DMD: variants seen among roughly 807,000 people sequenced by gnomAD.
DMD encodes the protein dystrophin.
In DMD, 63 loss-of-function variants were observed where a neutral mutation model predicts 330.1. The observed-to-expected ratio is 0.19, with a 90% CI of 0.16 to 0.24. DMD has a LOEUF of 0.24. Among genes scored for constraint, DMD ranks in the 10% least tolerant of loss-of-function variants. The pLI, the probability that DMD is intolerant of heterozygous loss-of-function variation, is 1.00. For synonymous variants in DMD, 1,223 were observed against 959.8 expected, an observed-to-expected ratio of 1.27 and a Z score of -5.07; for missense variants, 3,344 against 2,684.1, an observed-to-expected ratio of 1.25 and a Z score of -5.43.
At chrX:31,197,461 C>G (rs1472363416) in intron 67 of DMD, among the ~76,000 whole-genome samples, 1 of 112,160 alleles carries the variant, frequency 8.9e-6, no homozygotes, top group Non-Finnish European at 1.9e-5. Context: ...AATACTTGTT[C>G]TCAACAGTTG....
chrX:32,136,826 A>G (rs937440034), intron 44 of DMD, among the ~76,000 whole-genome samples: 26 of 97,957 alleles, frequency 2.7e-4, no homozygotes, highest in African/African-American at 8.8e-4. Context: ...ACATGGACAC[A>G]GGAAGGGGAA....
chrX:32,940,123 T>C (rs1415717694), intron 2 of DMD, among the ~76,000 whole-genome samples: 2 of 111,769 alleles, frequency 1.8e-5, no homozygotes, highest in Non-Finnish European at 3.8e-5. Flanking sequence ...CTTCAAACTA[T>C]ACTATAAGGC....
intron 1 of DMD, among the ~76,000 whole-genome samples, chrX:33,047,451 T>C (rs1280332475): frequency 9.0e-6 from 1 of 111,695 alleles, no homozygotes; most frequent in African/African-American, 3.3e-5. Context: ...TGGCAAGCCC[T>C]CCAGCCCTGC....
intron 9 of DMD, among the ~76,000 whole-genome samples, chrX:32,671,854 T>A (rs1246522834): frequency 1.8e-5 from 2 of 112,033 alleles, no homozygotes; most frequent in East Asian, 5.6e-4. Flanking sequence ...ATGCATATAC[T>A]TTTTATATGC....
At chrX:32,853,408 TAG>T (rs1335809868) in intron 2 of DMD, among the ~76,000 whole-genome samples, 1 of 111,720 alleles carries the variant, frequency 9.0e-6, no homozygotes, top group African/African-American at 3.3e-5. Context: ...CTTTAAGACA[TAG>T]ACAGTATAAT....
At chrX:31,807,674 G>A (rs2092333909) in intron 50 of DMD, among the ~76,000 whole-genome samples, 1 of 112,101 alleles carries the variant, frequency 8.9e-6, no homozygotes, top group African/African-American at 3.2e-5. Flanking sequence ...CACCCACGGA[G>A]ATTTAATAAA....
intron 67 of DMD, among the ~76,000 whole-genome samples, chrX:31,192,801 C>T (rs1377263173): frequency 8.9e-6 from 1 of 111,784 alleles, no homozygotes; most frequent in African/African-American, 3.3e-5. Context: ...AAGTGATTTC[C>T]TATGGGAAAA....
intron 30 of DMD, among the ~76,000 whole-genome samples, chrX:32,391,714 T>TA (rs1238360160): frequency 1.8e-5 from 2 of 111,949 alleles, no homozygotes; most frequent in African/African-American, 6.5e-5. Flanking sequence ...TGCATGACGT[T>TA]ATTTATAGAG....
intron 7 of DMD, among the ~76,000 whole-genome samples, chrX:32,729,683 G>A (rs781119443): frequency 1.2e-4 from 13 of 111,771 alleles, no homozygotes; most frequent in African/African-American, 3.6e-4. Flanking sequence ...ATGAAGAAGT[G>A]TATATTTGTA....
rs1217400139 is a variant in DMD, at chrX:32,521,006, T to G, written c.2169-2875A>C. Among the ~76,000 whole-genome samples the G allele has an allele frequency of 2.7e-5, 3 of 111,390 alleles. No homozygotes were observed. In the East Asian group the frequency reaches 8.5e-4, roughly 32 times the overall value. ...TGCAATTATCAGAGTAGAACTTCTT[T>G]CACTTCCTATTTCCAAACACCATCA... On this transcript the variant is annotated intron_variant, in intron 17 of 78. Coordinates refer to ENST00000357033, the MANE Select transcript of DMD (RefSeq NM_004006.3).
intron 7 of DMD, among the ~76,000 whole-genome samples, chrX:32,763,850 C>T (rs188947755): frequency 2.4e-3 from 269 of 111,166 alleles, no homozygotes; most frequent in South Asian, 0.016. Flanking sequence ...TGAAGCAAAA[C>T]GAAATACTAA....
intron 2 of DMD, among the ~76,000 whole-genome samples, chrX:32,934,797 A>G (rs775956387): frequency 1.8e-4 from 20 of 112,249 alleles, no homozygotes; most frequent in Admixed American, 4.7e-4. Context: ...ACCCAGGATT[A>G]ACTACCATCC....
chrX:31,189,771 G>A (rs2148409325), intron 67 of DMD, among the ~76,000 whole-genome samples: 1 of 112,558 alleles, frequency 8.9e-6, no homozygotes, highest in South Asian at 3.7e-4. Flanking sequence ...TATAAAATCT[G>A]TATGAAGTCA....
In DMD at chrX:31,307,013, G is replaced by C. The variant is rs552693477; in HGVS notation, c.9224+16585C>G. ...TTCCAGGCCACGGCAACTACTGTAAGGGTATGGCCCATACTGTCAGATTAT... is the reference window on the plus strand; with the variant it reads ...TTCCAGGCCACGGCAACTACTGTAACGGTATGGCCCATACTGTCAGATTAT... On this transcript the variant is annotated intron_variant, in intron 62 of 78. Transcript: ENST00000357033. 4.5e-5 allele frequency among the ~76,000 whole-genome samples: 5 copies of C among 111,066 alleles called. No homozygotes were observed. In the South Asian group the frequency reaches 1.9e-3, roughly 43 times the overall value.
chrX:31,724,134 T>C (rs1428966409), intron 52 of DMD, among the ~76,000 whole-genome samples: 1 of 112,341 alleles, frequency 8.9e-6, no homozygotes, highest in Non-Finnish European at 1.9e-5. Context: ...TATAACAGGT[T>C]GACAGCAGGT....
At chrX:31,293,218 T>TGTGTGTGTGGTCTGGTTTA (rs2053890692) in intron 62 of DMD, among the ~76,000 whole-genome samples, 6 of 95,910 alleles carry the variant, frequency 6.3e-5, no homozygotes, top group African/African-American at 2.2e-4. Flanking sequence ...TGTGTGTGTG[T>TGTGTGTGTGGTCTGGTTTA]GTGTGTGTGT....
intron 44 of DMD, among the ~76,000 whole-genome samples, chrX:32,160,122 C>G (rs1320288142): frequency 9.0e-6 from 1 of 111,522 alleles, no homozygotes; most frequent in Non-Finnish European, 1.9e-5. Context: ...GACCTTAGAG[C>G]TGGAAATTCA....
At chrX:31,760,651 C>T (rs1005981966) in intron 51 of DMD, among the ~76,000 whole-genome samples, 3 of 111,515 alleles carry the variant, frequency 2.7e-5, no homozygotes, top group Non-Finnish European at 5.7e-5. Flanking sequence ...ACAACAAGAT[C>T]AATCAGCTAA....
intron 44 of DMD, among the ~76,000 whole-genome samples, chrX:32,136,695 G>A (rs184446008): frequency 9.0e-4 from 101 of 112,387 alleles, no homozygotes; most frequent in African/African-American, 3.2e-3. Context: ...ATTCAAACTG[G>A]TTTTGAAAAT....
Sources: allele counts gnomAD v4.1 joint callset (sites outside exome capture counted in the v4.1 genomes callset), GRCh38; gene constraint gnomAD v4.1.1; transcripts MANE v1.5; gene names NCBI Gene and HGNC (gene_info 2026-07-23, HGNC 2026-07-21).